Variants in ROBO1 observed in about 807,000 individuals in gnomAD.
The protein encoded by ROBO1 is roundabout homolog 1.
ROBO1 carries 149 observed loss-of-function variants against 195.9 expected under a neutral mutation model. The observed-to-expected ratio is 0.76, with a 90% CI of 0.67 to 0.87. The LOEUF is 0.87. Ranked by LOEUF, ROBO1 falls within the 40% of genes least tolerant of loss-of-function variation. The pLI, the probability that ROBO1 is intolerant of heterozygous loss-of-function variation, is 0.00. For synonymous variants in ROBO1, 816 were observed against 733.2 expected, an observed-to-expected ratio of 1.11 and a Z score of -1.82; for missense variants, 1,933 against 2,068.3, an observed-to-expected ratio of 0.93 and a Z score of 1.27.
intron 1 of ROBO1, among the ~76,000 whole-genome samples, chr3:79,711,631 CTAA>C (rs1702278605): frequency 6.6e-6 from 1 of 151,978 alleles, no homozygotes; most frequent in Non-Finnish European, 1.5e-5. Context: ...ACCGCTCTTG[CTAA>C]TGTTACTGTT....
chr3:79,144,447 T>C (rs1310658632), intron 2 of ROBO1, among the ~76,000 whole-genome samples: 2 of 151,972 alleles, frequency 1.3e-5, no homozygotes, highest in East Asian at 3.9e-4. Context: ...TCCACTTTTT[T>C]CCTCTTTCCC....
At chr3:79,568,167 C>A (rs1436005269) in intron 2 of ROBO1, among the ~76,000 whole-genome samples, 1 of 152,040 alleles carries the variant, frequency 6.6e-6, no homozygotes, top group East Asian at 1.9e-4. Context: ...ACAACCAAAT[C>A]TGCAGTTAAC....
chr3:78,706,801 T>G (rs1434298205), intron 8 of ROBO1, among the ~76,000 whole-genome samples: 1 of 151,946 alleles, frequency 6.6e-6, no homozygotes, highest in Non-Finnish European at 1.5e-5. Flanking sequence ...AGTTGAGAAA[T>G]AGGTAAAAGG....
chr3:78,979,915 C>T (rs2076956808), intron 3 of ROBO1, among the ~76,000 whole-genome samples: 1 of 152,086 alleles, frequency 6.6e-6, no homozygotes, highest in African/African-American at 2.4e-5. Flanking sequence ...TAATAATCAA[C>T]AGTAATAAAA....
At chr3:79,657,087 A>G (rs1946189122) in intron 1 of ROBO1, among the ~76,000 whole-genome samples, 1 of 152,124 alleles carries the variant, frequency 6.6e-6, no homozygotes, top group Non-Finnish European at 1.5e-5. Flanking sequence ...TGGTAAAAAT[A>G]TACATTTTTA....
At chr3:78,629,302 T>C (rs2312339) in intron 25 of ROBO1, among the ~76,000 whole-genome samples, 78,169 of 131,078 alleles carry the variant, frequency 0.6, 20,423 homozygotes, top group East Asian at 0.75. Context: ...ATATTGCTTT[T>C]TTTTTAAAAA....
intron 2 of ROBO1, among the ~76,000 whole-genome samples, chr3:79,205,218 C>A (rs988787695): frequency 6.6e-6 from 1 of 151,914 alleles, no homozygotes; most frequent in African/African-American, 2.4e-5. Context: ...GGTCTCAAAC[C>A]CCTGTCCTCA....
intron 2 of ROBO1, among the ~76,000 whole-genome samples, chr3:79,559,658 C>T (rs2107703961): frequency 6.6e-6 from 1 of 152,286 alleles, no homozygotes; most frequent in African/African-American, 2.4e-5. Flanking sequence ...GTGGCTCACA[C>T]GTGTAATCCC....
Position 78,639,964 on chromosome 3 carries a change from T to C in ROBO1, c.2883-66A>G, listed in dbSNP as rs527918100. 2.5e-6 allele frequency: 3 copies of C among 1,223,494 alleles called. No individual in the cohort carries two copies. In the South Asian group the frequency reaches 4.9e-5, roughly 20 times the overall value. The allele number at this position is 1,223,494 out of a possible 1,614,324, so 75.8% of individuals were successfully genotyped here. Reference sequence around the variant, plus strand: ...AGAGAGTAATATTTTCTATTTAAAATTCCAATAAATTCCTCATCTTGTTAT... The same window carrying C: ...AGAGAGTAATATTTTCTATTTAAAACTCCAATAAATTCCTCATCTTGTTAT... On this transcript the variant is annotated intron_variant, in intron 21 of 30. Transcript: ENST00000464233.
At chr3:79,488,100 C>T (rs1939257596) in intron 2 of ROBO1, among the ~76,000 whole-genome samples, 1 of 151,928 alleles carries the variant, frequency 6.6e-6, no homozygotes, top group African/African-American at 2.4e-5. Flanking sequence ...ATAATGCTTT[C>T]TTTTTAACTG....
chr3:79,483,191 A>G (rs1222517208), intron 2 of ROBO1, among the ~76,000 whole-genome samples: 1 of 152,230 alleles, frequency 6.6e-6, no homozygotes, highest in South Asian at 2.1e-4. Context: ...CACAGACAAC[A>G]AAGACCCCAT....
intron 2 of ROBO1, among the ~76,000 whole-genome samples, chr3:79,268,819 GA>G (rs1384682637): frequency 6.6e-6 from 1 of 151,606 alleles, no homozygotes; most frequent in Non-Finnish European, 1.5e-5. Flanking sequence ...TTTGAGTATA[GA>G]CCACATGGAT....
chr3:79,685,650 G>C (rs971389273), intron 1 of ROBO1, among the ~76,000 whole-genome samples: 1 of 152,026 alleles, frequency 6.6e-6, no homozygotes, highest in Non-Finnish European at 1.5e-5. Flanking sequence ...CATTGTGCAC[G>C]CTCCAGTGGC....
chr3:78,879,074 C>T (rs1377871499), intron 4 of ROBO1, among the ~76,000 whole-genome samples: 3 of 152,170 alleles, frequency 2.0e-5, no homozygotes, highest in Non-Finnish European at 4.4e-5. Flanking sequence ...CCTTAATTCA[C>T]TGTGTTCTAC....
intron 3 of ROBO1, among the ~76,000 whole-genome samples, chr3:79,053,138 T>C (rs929716026): frequency 1.3e-5 from 2 of 151,996 alleles, no homozygotes; most frequent in Non-Finnish European, 1.5e-5. Flanking sequence ...TCTGGGGTGA[T>C]TGGGCCTTGA....
At chr3:79,279,329 A>G (rs961890310) in intron 2 of ROBO1, among the ~76,000 whole-genome samples, 1 of 152,166 alleles carries the variant, frequency 6.6e-6, no homozygotes, top group African/African-American at 2.4e-5. Flanking sequence ...AAGACAAATG[A>G]TTTGAATAAA....
chr3:78,979,143 G>C (rs767709588), intron 3 of ROBO1, among the ~76,000 whole-genome samples: 1 of 152,106 alleles, frequency 6.6e-6, no homozygotes, highest in Non-Finnish European at 1.5e-5. Flanking sequence ...ATGCCTCATG[G>C]CTTTCAGGGT....
rs776619058 is a variant in ROBO1, at chr3:79,497,910, CAAG to C, written c.88+91911_88+91913del. On this transcript the variant is annotated intron_variant, in intron 2 of 30. Coordinates refer to ENST00000464233, the MANE Select transcript of ROBO1 (RefSeq NM_002941.4). ...AAAGTGTCTCATAGCCATTAAAGGC[CAAG>C]AAGGTGTTGTTAGTCATATAATCAT... is the stretch of plus-strand genomic sequence containing the variant. Among the ~76,000 whole-genome samples, 19 of 151,932 alleles carry C rather than the reference CAAG, an allele frequency of 1.3e-4. 1 individual carries two copies. Among genetic ancestry groups the C allele is most frequent in the Admixed American group, 3.9e-4 (6 of 15,280 alleles).
chr3:79,393,581 G>A (rs941754833), intron 2 of ROBO1, among the ~76,000 whole-genome samples: 1 of 152,106 alleles, frequency 6.6e-6, no homozygotes, highest in Non-Finnish European at 1.5e-5. Flanking sequence ...TTTTGAGAAT[G>A]GGTGAAGATC....
Sources: gnomAD v4.1 joint callset for allele counts (sites outside exome capture counted in the v4.1 genomes callset) on GRCh38, gnomAD v4.1.1 for gene constraint, MANE v1.5 for transcripts, NCBI Gene and HGNC (gene_info 2026-07-23, HGNC 2026-07-21) for gene names.